Variants in PCMTD1 observed in about 807,000 individuals in gnomAD.
PCMTD1 encodes protein-L-isoaspartate (D-aspartate) O-methyltransferase domain containing 1, also known as protein-L-isoaspartate O-methyltransferase domain-containing protein 1.
PCMTD1 carries 12 observed loss-of-function variants against 37.6 expected under a neutral mutation model. That is an observed-to-expected ratio of 0.32 (90% CI 0.20 to 0.52). The LOEUF (loss-of-function observed/expected upper bound fraction) is 0.52. PCMTD1 is among the 20% of genes least tolerant of loss of function. The probability of loss-of-function intolerance (pLI) is 0.97; values close to 1 mark genes in which losing one functional copy is unlikely to be tolerated. For missense variants in PCMTD1, 235 were observed against 421.3 expected, an observed-to-expected ratio of 0.56 and a Z score of 3.87; for synonymous variants, 117 against 135.8, an observed-to-expected ratio of 0.86 and a Z score of 0.96.
At chr8:51,832,432 A>T (rs1178786101) in intron 4 of PCMTD1, among the ~76,000 whole-genome samples, 1 of 152,218 alleles carries the variant, frequency 6.6e-6, no homozygotes, top group Non-Finnish European at 1.5e-5. Context: ...AGTGAGATCC[A>T]CTGAGCTGCC....
At chr8:51,824,142 A>G (rs1473584848) in intron 5 of PCMTD1, among the ~76,000 whole-genome samples, 1 of 152,222 alleles carries the variant, frequency 6.6e-6, no homozygotes, top group African/African-American at 2.4e-5. Context: ...AGCACAAGAC[A>G]AGGATGTACT....
intron 1 of PCMTD1, among the ~76,000 whole-genome samples, chr8:51,890,298 T>C (rs994068185): frequency 7.9e-5 from 12 of 152,246 alleles, no homozygotes; most frequent in Admixed American, 3.9e-4. Context: ...TTACAATGCC[T>C]GGTAAATCAG....
chr8:51,886,673 CTT>C lies in PCMTD1; in HGVS notation c.-96+12255_-96+12256del, dbSNP rs536194275. On this transcript the variant is annotated intron_variant, in intron 1 of 5. Coordinates refer to ENST00000522514, the MANE Select transcript of PCMTD1 (RefSeq NM_052937.4). ...TCAGTTTTATAAATGTCATCTTAAT[CTT>C]TTGTTGGGGAGAGGCTGTTTAGAAA... Among the ~76,000 whole-genome samples, 284 of 152,288 alleles carry C rather than the reference CTT, an allele frequency of 1.9e-3. 1 individual carries two copies. Among genetic ancestry groups the C allele is most frequent in the Non-Finnish European group, 3.1e-3 (212 of 68,014 alleles).
intron 2 of PCMTD1, among the ~76,000 whole-genome samples, chr8:51,853,795 T>G (rs2038343149): frequency 6.6e-6 from 1 of 152,032 alleles, no homozygotes; most frequent in South Asian, 2.1e-4. Flanking sequence ...GACTGGGAGC[T>G]TGTGACATGC....
chr8:51,828,569 A>G (rs1182621559), intron 5 of PCMTD1, among the ~76,000 whole-genome samples: 1 of 152,206 alleles, frequency 6.6e-6, no homozygotes, highest in Non-Finnish European at 1.5e-5. Flanking sequence ...CTACTAAACA[A>G]GTATCACTTT....
At chr8:51,843,906 T>C (rs888120863) in intron 3 of PCMTD1, among the ~76,000 whole-genome samples, 2 of 152,152 alleles carry the variant, frequency 1.3e-5, no homozygotes, top group Non-Finnish European at 2.9e-5. Context: ...AACTAACATA[T>C]AACAGAGCTT....
chr8:51,856,972 G>T (rs544203279), intron 2 of PCMTD1, among the ~76,000 whole-genome samples: 3 of 152,346 alleles, frequency 2.0e-5, no homozygotes, highest in African/African-American at 7.2e-5. Context: ...TTGATGGTAT[G>T]TGAATCATAC....
At chr8:51,883,457 A>G (rs2038821078) in intron 1 of PCMTD1, among the ~76,000 whole-genome samples, 1 of 152,242 alleles carries the variant, frequency 6.6e-6, no homozygotes, top group Non-Finnish European at 1.5e-5. Context: ...AGGGACACAC[A>G]CAAAAACACA....
intron 1 of PCMTD1, among the ~76,000 whole-genome samples, chr8:51,884,849 A>G (rs1432521537): frequency 6.6e-6 from 1 of 152,162 alleles, no homozygotes; most frequent in African/African-American, 2.4e-5. Flanking sequence ...CCATTGAGGT[A>G]CCCTCTCCAA....
chr8:51,881,536 T>G (rs749781447), intron 1 of PCMTD1, among the ~76,000 whole-genome samples: 1 of 152,236 alleles, frequency 6.6e-6, no homozygotes, highest in Admixed American at 6.5e-5. Context: ...TATATTTACA[T>G]CTACAGACAG....
chr8:51,845,186 A>C (rs572476516), intron 3 of PCMTD1: 1 of 152,988 alleles, frequency 6.5e-6, no homozygotes, highest in South Asian at 2.0e-4. Flanking sequence ...TCTTATTAAC[A>C]ATCCTATCAC....
At chr8:51,825,058 G>C (rs2037902438) in intron 5 of PCMTD1, among the ~76,000 whole-genome samples, 1 of 141,494 alleles carries the variant, frequency 7.1e-6, no homozygotes, top group South Asian at 2.1e-4. Flanking sequence ...ATGGATTAAA[G>C]ACTTAAATCT....
At position 51,820,408 on chromosome 8, in the gene PCMTD1, C is replaced by G. The variant is rs1188416973; in HGVS notation, c.1017G>C (p.Met339Ile). ...TTAAAGATTCAGGGAGGGGCAGCTT[C>G]ATGATTTTTTCTCTCAGTAAATTTT... The part of the protein sequence containing the change: ...PPQNLLREKI[M>I]KLPLPESLKA... Residue 339 changes from methionine (M) to isoleucine (I), a missense_variant, in exon 6 of 6, where the codon ATG (methionine) becomes ATC (isoleucine). Coordinates refer to ENST00000522514, the MANE Select transcript of PCMTD1 (RefSeq NM_052937.4). 1 of 1,610,820 alleles carries G rather than the reference C, an allele frequency of 6.2e-7. No individual in the cohort carries two copies.
Position 51,861,259 on chromosome 8 carries a change from A to G in PCMTD1, c.-95-13T>C. On this transcript the variant is annotated splice_polypyrimidine_tract_variant and intron_variant, in intron 1 of 5. Transcript: ENST00000522514. ...AAATAAATTAATCCTGGAAGGGAAGAACAAAAATAAACAGGTTTAAATTAA... is the reference window on the plus strand; with the variant it reads ...AAATAAATTAATCCTGGAAGGGAAGGACAAAAATAAACAGGTTTAAATTAA... The G allele has an allele frequency of 7.0e-7, 1 of 1,426,938 alleles. No homozygotes were observed. Among genetic ancestry groups the G allele is most frequent in the Non-Finnish European group, 9.2e-7 (1 of 1,083,398 alleles). 88.4% of individuals were successfully genotyped at this position (1,426,938 alleles called of 1,614,324 possible).
At chr8:51,889,388 T>C (rs747815065) in intron 1 of PCMTD1, among the ~76,000 whole-genome samples, 2 of 152,198 alleles carry the variant, frequency 1.3e-5, no homozygotes, top group African/African-American at 2.4e-5. Context: ...TTCATAAAAT[T>C]TCATGTAACA....
intron 4 of PCMTD1, among the ~76,000 whole-genome samples, 160 bp from the exon 5 acceptor site, chr8:51,831,727 T>C (rs2038001115): frequency 6.6e-6 from 1 of 152,166 alleles, no homozygotes. Flanking sequence ...ATATTTACTA[T>C]AAGATATAAA....
intron 1 of PCMTD1, among the ~76,000 whole-genome samples, chr8:51,873,022 T>C (rs915819047): frequency 3.3e-5 from 5 of 152,196 alleles, no homozygotes; most frequent in Admixed American, 6.5e-5. Context: ...AACTACAAAG[T>C]TTTTGGACTT....
intron 2 of PCMTD1, among the ~76,000 whole-genome samples, chr8:51,851,537 G>C (rs917212782): frequency 1.7e-4 from 26 of 151,928 alleles, no homozygotes; most frequent in African/African-American, 6.3e-4. Flanking sequence ...GTGCGCAATA[G>C]AATATTAAAA....
Position 51,831,429 on chromosome 8 carries a change from T to C in PCMTD1, c.706+15A>G, listed in dbSNP as rs775700082. ...TAAGTCATAATTCAATCAGAAAATA[T>C]GAAGAGCTACTTACGGAGTCCCACA... On this transcript the variant is annotated intron_variant, in intron 5 of 5. Coordinates refer to ENST00000522514, the MANE Select transcript of PCMTD1 (RefSeq NM_052937.4). The C allele has an allele frequency of 1.9e-6, 3 of 1,610,410 alleles. No individual in the cohort carries two copies. The highest frequency in any genetic ancestry group is 1.1e-5 in the South Asian group (1 of 90,500).
Sources: gnomAD v4.1 joint callset for allele counts (sites outside exome capture counted in the v4.1 genomes callset) on GRCh38, gnomAD v4.1.1 for gene constraint, MANE v1.5 for transcripts, NCBI Gene and HGNC (gene_info 2026-07-23, HGNC 2026-07-21) for gene names.